Variants in ZNF730 observed in about 807,000 individuals in gnomAD.
ZNF730 encodes zinc finger protein 730.
A neutral mutation model predicts 12.6 loss-of-function variants in ZNF730; 12 were observed. The observed-to-expected ratio is 0.95, with a 90% CI of 0.61 to 1.54. The LOEUF (loss-of-function observed/expected upper bound fraction) is 1.54. Among genes scored for constraint, ZNF730 ranks in the 40% most tolerant of loss-of-function variants. The pLI, the probability that ZNF730 is intolerant of heterozygous loss-of-function variation, is 0.00. For synonymous variants in ZNF730, 194 were observed against 195.8 expected, an observed-to-expected ratio of 0.99 and a Z score of 0.08; for missense variants, 643 against 583.5, an observed-to-expected ratio of 1.10 and a Z score of -1.05.
intron 1 of ZNF730, among the ~76,000 whole-genome samples, chr19:23,089,023 C>T (rs867712113): frequency 5.9e-5 from 9 of 151,838 alleles, no homozygotes; most frequent in African/African-American, 1.7e-4. Context: ...CAGGCATGTG[C>T]CACCTTGCCT....
chr19:23,116,309 C>CTTTTCTTTTCTTTTCTT (rs1326799795), upstream of ZNF730, among the ~76,000 whole-genome samples: 1 of 85,376 alleles, frequency 1.2e-5, no homozygotes, highest in Non-Finnish European at 2.7e-5. Flanking sequence ...TTTTTCTTTT[C>CTTTTCTTTTCTTTTCTT]TTTTCTTTTC....
At chr19:23,102,677 G>T (rs148443612) in intron 1 of ZNF730, among the ~76,000 whole-genome samples, 1 of 151,660 alleles carries the variant, frequency 6.6e-6, no homozygotes. Context: ...TGTATTTTCC[G>T]TAGAGACATG....
chr19:23,101,606 T>C (rs993269540), intron 1 of ZNF730, among the ~76,000 whole-genome samples: 4 of 152,186 alleles, frequency 2.6e-5, no homozygotes, highest in East Asian at 1.9e-4. Context: ...TTGTGACATA[T>C]CGCTTGACTC....
intron 1 of ZNF730, chr19:23,126,844 C>G (rs1311372449): frequency 5.6e-6 from 3 of 535,904 alleles, no homozygotes; most frequent in Non-Finnish European, 1.1e-5. Context: ...TTTTCATAAT[C>G]CAGTAGTGAC....
intron 1 of ZNF730, among the ~76,000 whole-genome samples, chr19:23,104,862 G>A (rs2126616): frequency 0.15 from 22,306 of 152,054 alleles, 2,541 homozygotes; most frequent in African/African-American, 0.32. Context: ...CTTTTTAACA[G>A]GCCTAGGAGC....
upstream of ZNF730, among the ~76,000 whole-genome samples, chr19:23,114,767 T>C (rs1432615654): frequency 2.0e-5 from 3 of 152,162 alleles, 1 homozygote; most frequent in African/African-American, 7.2e-5. Flanking sequence ...CAAATTATTC[T>C]ATGTCCTTTC....
intron 1 of ZNF730, among the ~76,000 whole-genome samples, chr19:23,092,666 G>T (rs376378172): frequency 6.6e-6 from 1 of 151,912 alleles, no homozygotes; most frequent in Non-Finnish European, 1.5e-5. Flanking sequence ...CAGATGATCC[G>T]CCCACCTCGG....
chr19:23,116,684 G>A (rs2362804), upstream of ZNF730, among the ~76,000 whole-genome samples: 45,404 of 150,254 alleles, frequency 0.3, 7,652 homozygotes, highest in African/African-American at 0.46. Flanking sequence ...GCCCCCCAAA[G>A]TGCTGGGATT....
At chr19:23,109,297 T>G (rs1908939) in intron 1 of ZNF730, among the ~76,000 whole-genome samples, 18,271 of 152,080 alleles carry the variant, frequency 0.12, 1,505 homozygotes, top group African/African-American at 0.23. Flanking sequence ...TGGTGCAATC[T>G]TGGCTCACTG....
chr19:23,126,674 T>TC (rs201540364), intron 1 of ZNF730: 2 of 494,140 alleles, frequency 4.0e-6, no homozygotes, highest in East Asian at 5.2e-5. Context: ...TTTTTTTTTT[T>TC]CTGAATGCAG....
At chr19:23,090,939 G>T (rs1012941528) in intron 1 of ZNF730, among the ~76,000 whole-genome samples, 1 of 151,928 alleles carries the variant, frequency 6.6e-6, no homozygotes, top group African/African-American at 2.4e-5. Flanking sequence ...GGTGGAGGTT[G>T]CAGTGAGCCA....
At chr19:23,102,244 AG>A (rs1368996247) in intron 1 of ZNF730, among the ~76,000 whole-genome samples, 1 of 152,136 alleles carries the variant, frequency 6.6e-6, no homozygotes, top group Non-Finnish European at 1.5e-5. Flanking sequence ...TGCTGGGCTC[AG>A]CCCCCATGTG....
intron 1 of ZNF730, chr19:23,095,657 A>G: frequency 2.6e-6 from 1 of 384,546 alleles, no homozygotes; most frequent in Non-Finnish European, 4.6e-6. Context: ...CTGGGCCCAG[A>G]GCCAATGTGA....
chr19:23,082,214 T>C (rs1372683495), intron 1 of ZNF730, among the ~76,000 whole-genome samples: 1 of 152,222 alleles, frequency 6.6e-6, no homozygotes, highest in Non-Finnish European at 1.5e-5. Context: ...TTGTATTCTT[T>C]GCTTCTATAA....
At chr19:23,141,394 C>CAA (rs372825703) in intron 3 of ZNF730, among the ~76,000 whole-genome samples, 3 of 120,176 alleles carry the variant, frequency 2.5e-5, no homozygotes, top group Non-Finnish European at 3.6e-5. Context: ...GACTCCGTCT[C>CAA]AAAAAAAAAA....
At position 23,146,128 on chromosome 19, in the gene ZNF730, C is replaced by T. The variant is rs1412563858; in HGVS notation, c.1084C>T (p.His362Tyr). 1.2e-6 allele frequency: 2 copies of T among 1,609,088 alleles called. No individual in the cohort carries two copies. Among genetic ancestry groups the T allele is most frequent in the Non-Finnish European group, 1.7e-6 (2 of 1,177,488 alleles). The stretch of plus-strand genomic sequence containing the variant: ...AACCCTTAATAGACATAAGATAACT[C>T]ATACTGGAGGGAAACCCTACAAATA... ...SSTLNRHKIT[H>Y]TGGKPYKYKE... The change falls in exon 4 of 4, where the codon CAT becomes TAT. Residue 362 changes from histidine to tyrosine, a missense_variant. By Grantham distance (83) the His-to-Tyr change is moderately conservative (BLOSUM62 2). Transcript: ENST00000597761.
chr19:23,132,704 T>C (rs754228143), intron 1 of ZNF730, among the ~76,000 whole-genome samples: 64 of 152,206 alleles, frequency 4.2e-4, no homozygotes, highest in Non-Finnish European at 6.8e-4. Flanking sequence ...AGGTTCTGTC[T>C]GTGTTCTCCA....
At chr19:23,101,980 T>C (rs890239301) in intron 1 of ZNF730, among the ~76,000 whole-genome samples, 7 of 152,164 alleles carry the variant, frequency 4.6e-5, no homozygotes, top group Admixed American at 4.6e-4. Context: ...TGACTACTTT[T>C]TTGCCTGTGC....
intron 1 of ZNF730, among the ~76,000 whole-genome samples, chr19:23,108,674 C>T (rs1376531986): frequency 6.6e-6 from 1 of 152,110 alleles, no homozygotes; most frequent in East Asian, 1.9e-4. Context: ...TACCAAGAAA[C>T]TATTTTAATC....
Sources: gnomAD v4.1 joint callset for allele counts (sites outside exome capture counted in the v4.1 genomes callset) on GRCh38, gnomAD v4.1.1 for gene constraint, MANE v1.5 for transcripts, NCBI Gene and HGNC (gene_info 2026-07-23, HGNC 2026-07-21) for gene names.